The following ABL1 variants were observed in gnomAD, a reference collection of about 807,000 sequenced individuals.
ABL1 encodes the protein ABL proto-oncogene 1, non-receptor tyrosine kinase.
ABL1 carries 11 observed loss-of-function variants against 94.7 expected under a neutral mutation model. The ratio of observed to expected loss-of-function variants is 0.12; its 90% CI spans 0.07 to 0.19. The LOEUF (loss-of-function observed/expected upper bound fraction) is 0.19. Among genes scored for constraint, ABL1 ranks in the 10% least tolerant of loss-of-function variants. The pLI is 1.00. For missense variants in ABL1, 1,082 were observed against 1,489.4 expected (o/e 0.73, Z 4.50); for synonymous variants, 656 against 622.4 (o/e 1.05, Z -0.80).
chr9:130,796,844 C>T (rs552677265), intron 1 of ABL1, among the ~76,000 whole-genome samples: 4 of 144,370 alleles, frequency 2.8e-5, no homozygotes, highest in Admixed American at 2.1e-4. Context: ...CACTTGAACC[C>T]GGGAGGTAGA....
At chr9:130,784,544 C>T (rs539425932) in intron 1 of ABL1, among the ~76,000 whole-genome samples, 1 of 152,266 alleles carries the variant, frequency 6.6e-6, no homozygotes, top group East Asian at 1.9e-4. Flanking sequence ...CCATTAAAAA[C>T]CAGCATCTGG....
chr9:130,879,338 C>T (rs1157013331), intron 8 of ABL1, among the ~76,000 whole-genome samples: 1 of 152,216 alleles, frequency 6.6e-6, no homozygotes, highest in Admixed American at 6.5e-5. Flanking sequence ...TCAGATCTCT[C>T]CCTCTCCCTA....
At chr9:130,719,019 T>C (rs571896326) in intron 1 of ABL1, among the ~76,000 whole-genome samples, 24 of 152,328 alleles carry the variant, frequency 1.6e-4, no homozygotes, top group Non-Finnish European at 3.2e-4. Flanking sequence ...TCATTATTTA[T>C]GGTATGGCCC....
Position 130,835,579 on chromosome 9 carries a change from GC to G in ABL1, c.79+55del. On this transcript the variant is annotated intron_variant, in intron 1 of 10. Coordinates refer to ENST00000318560, the MANE Select transcript of ABL1 (RefSeq NM_005157.6). The surrounding 1 kb of genome is among the most constrained non-coding windows in gnomAD (Gnocchi z 4.6). ...AGTAGCCGCGCGCCCTCCCGCTGCT[GC>G]TGGGCCCTTCCTAGGCCTCGCCGCC... The G allele has an allele frequency of 6.7e-7, 1 of 1,485,656 alleles. No homozygotes were observed. Among genetic ancestry groups the G allele is most frequent in the East Asian group, 2.5e-5 (1 of 40,190 alleles). The allele number at this position is 1,485,656 out of a possible 1,614,324, so 92.0% of individuals were successfully genotyped here. A position where few individuals can be genotyped will look rare whatever the true frequency, so the allele number is the denominator to read the frequency against.
At chr9:130,774,829 G>A (rs1588234273) in intron 1 of ABL1, among the ~76,000 whole-genome samples, 1 of 151,902 alleles carries the variant, frequency 6.6e-6, no homozygotes, top group African/African-American at 2.4e-5. Flanking sequence ...GTGACAAAGT[G>A]AGACCCTATC....
intron 1 of ABL1, among the ~76,000 whole-genome samples, chr9:130,853,044 A>G (rs1463551269): frequency 6.6e-6 from 1 of 152,036 alleles, no homozygotes; most frequent in East Asian, 1.9e-4. Context: ...GACTCCAGTG[A>G]TCTAGCTGGT....
At chr9:130,871,725 G>A (rs1026890771) in intron 4 of ABL1, among the ~76,000 whole-genome samples, 2 of 152,244 alleles carry the variant, frequency 1.3e-5, no homozygotes, top group Admixed American at 1.3e-4. Flanking sequence ...TTTTTAGGCT[G>A]AGTGTGTTAG....
intron 6 of ABL1, 140 bp from the exon 7 acceptor site, chr9:130,874,728 C>T (rs1040179405): frequency 3.5e-6 from 3 of 858,038 alleles, no homozygotes; most frequent in Non-Finnish European, 1.8e-6. Context: ...GTGTTAATTG[C>T]CGTGGGCATT....
chr9:130,865,200 G>A lies in ABL1; in HGVS notation c.822+2165G>A, dbSNP rs148493738. On this transcript the variant is annotated intron_variant, in intron 4 of 10. Transcript: ENST00000318560. ...TTTCCCAAGAGCCTAATTAACTTAC[G>A]ATCTCACAGTTGGTAAAGAATTACA... 2.2e-3 allele frequency among the ~76,000 whole-genome samples: 342 copies of A among 152,224 alleles called. 1 individual carries two copies. The highest frequency in any genetic ancestry group is 6.8e-3 in the African/African-American group (284 of 41,524).
chr9:130,808,144 G>A (rs1830153126), intron 1 of ABL1, among the ~76,000 whole-genome samples: 1 of 147,772 alleles, frequency 6.8e-6, no homozygotes, highest in African/African-American at 2.5e-5. Context: ...GTAAAATTTT[G>A]ACTTCATTTT....
chr9:130,794,441 G>A (rs1159163955), intron 1 of ABL1, among the ~76,000 whole-genome samples: 2 of 152,208 alleles, frequency 1.3e-5, no homozygotes, highest in East Asian at 3.9e-4. Flanking sequence ...TTTTTTTAAA[G>A]GCCAAGTTTA....
At chr9:130,759,323 T>C (rs536084450) in intron 1 of ABL1, among the ~76,000 whole-genome samples, 18 of 152,334 alleles carry the variant, frequency 1.2e-4, no homozygotes, top group Admixed American at 4.6e-4. Context: ...GCACTCCTCA[T>C]CTTCAAGGCT....
intron 1 of ABL1, among the ~76,000 whole-genome samples, chr9:130,842,610 C>T (rs1830693229): frequency 6.6e-6 from 1 of 152,202 alleles, no homozygotes; most frequent in Admixed American, 6.5e-5. Flanking sequence ...ACAAGGCTTT[C>T]TGGGGAAATT....
At chr9:130,816,538 T>C (rs1830288695) in intron 1 of ABL1, among the ~76,000 whole-genome samples, 1 of 151,718 alleles carries the variant, frequency 6.6e-6, no homozygotes, top group African/African-American at 2.4e-5. Flanking sequence ...TCCTCTTTTT[T>C]TTTTTTTGAG....
At position 130,885,935 on chromosome 9, in the gene ABL1, G is replaced by A. The variant is rs1422735551; in HGVS notation, c.*252G>A. On this transcript the variant is annotated 3_prime_UTR_variant, in exon 11 of 11. Coordinates refer to ENST00000318560, the MANE Select transcript of ABL1 (RefSeq NM_005157.6). ...ATTTTATCTGTGGAGTTCCTGCTCC[G>A]TGGACTGCAGTCGGCATGCCAGGAC... The A allele has an allele frequency of 5.0e-5, 25 of 504,706 alleles. No homozygotes were observed. Among genetic ancestry groups the A allele is most frequent in the South Asian group, 8.3e-5 (3 of 36,028 alleles). 31.3% of individuals were successfully genotyped at this position (504,706 alleles called of 1,614,324 possible).
intron 1 of ABL1, among the ~76,000 whole-genome samples, chr9:130,773,530 C>T (rs1299185383): frequency 1.3e-5 from 2 of 151,872 alleles, no homozygotes; most frequent in Non-Finnish European, 2.9e-5. Context: ...GCAATCATGG[C>T]TCACTGAAGC....
intron 1 of ABL1, among the ~76,000 whole-genome samples, chr9:130,797,185 G>A (rs929871151): frequency 3.7e-5 from 5 of 134,962 alleles, no homozygotes; most frequent in South Asian, 2.6e-4. Flanking sequence ...GCGGTGAGCC[G>A]AGATCGCGCC....
chr9:130,789,525 T>TACACACACACACACACAC (rs59537102), intron 1 of ABL1, among the ~76,000 whole-genome samples: 1 of 148,850 alleles, frequency 6.7e-6, no homozygotes, highest in African/African-American at 2.4e-5. Context: ...AAAAAGGACA[T>TACACACACACACACACAC]ACACACACAC....
At chr9:130,713,581 C>T (rs953116565) in exon 1 of ABL1, among the ~76,000 whole-genome samples, 1 of 152,210 alleles carries the variant, frequency 6.6e-6, no homozygotes, top group African/African-American at 2.4e-5. Context: ...TCTCCCCTTC[C>T]CCCAAGGTGG....
Sources: allele counts gnomAD v4.1 joint callset (sites outside exome capture counted in the v4.1 genomes callset), GRCh38; gene constraint gnomAD v4.1.1; non-coding constraint Gnocchi (gnomAD v3.1); transcripts MANE v1.5; gene names NCBI Gene and HGNC (gene_info 2026-07-23, HGNC 2026-07-21).